The following HTR4 variants were observed in gnomAD, a reference collection of about 807,000 sequenced individuals.
The protein encoded by HTR4 is 5-hydroxytryptamine receptor 4.
HTR4 carries 16 observed loss-of-function variants against 36.8 expected under a neutral mutation model. The ratio of observed to expected loss-of-function variants is 0.43; its 90% CI spans 0.29 to 0.66. The LOEUF (loss-of-function observed/expected upper bound fraction) is 0.66. Ranked by LOEUF, HTR4 falls within the 30% of genes least tolerant of loss-of-function variation. The pLI is 0.13. For missense variants in HTR4, 438 were observed against 490.9 expected (o/e 0.89, Z 1.02); for synonymous variants, 189 against 185.1 (o/e 1.02, Z -0.17).
At chr5:148,612,207 C>A (rs1488614951) in intron 2 of HTR4, among the ~76,000 whole-genome samples, 1 of 152,166 alleles carries the variant, frequency 6.6e-6, no homozygotes, top group Non-Finnish European at 1.5e-5. Flanking sequence ...CTCTCCACCA[C>A]AAATCAACAG....
rs745999248 is a variant in HTR4 at position 148,509,830 on chromosome 5, G to A, written c.702C>T (p.Ala234=). 3.1e-6 allele frequency: 5 copies of A among 1,613,956 alleles called. No individual in the cohort carries two copies. Among genetic ancestry groups the A allele is most frequent in the East Asian group, 2.2e-5 (1 of 44,850 alleles). The change falls in exon 6 of 7, where the codon GCC becomes GCT. Residue 234 remains alanine, a synonymous_variant. Coordinates refer to ENST00000377888, the MANE Select transcript of HTR4 (RefSeq NM_000870.7). ...HQIQMLQRAG[A]SSESRPQSAD... ...CCGACTGAGGCCTGCTCTCGGAGGA[G>A]GCTCCTGCCCGTTGTAACATCTGGA...
In HTR4 at chr5:148,509,538, C is replaced by T. The variant is rs1473742069; in HGVS notation, c.994G>A (p.Glu332Lys). Residue 332 changes from glutamate to lysine, a missense_variant, in exon 6 of 7, where the codon GAG (glutamate) becomes AAG (lysine). By Grantham distance (56) the Glu-to-Lys change is moderately conservative. Transcript: ENST00000377888. ...AGAATGGAAGGTCTTCGGTAGCGCT[C>T]ATCATCACAGCAGAGGATGATGAGG... is the stretch of plus-strand genomic sequence containing the variant. ...AFLIILCCDD[E>K]RYRRPSILGQ... 2 of 1,613,900 alleles carry T rather than the reference C, an allele frequency of 1.2e-6. No homozygotes were observed. The highest frequency in any genetic ancestry group is 2.2e-5 in the East Asian group (1 of 44,882).
intron 5 of HTR4, among the ~76,000 whole-genome samples, chr5:148,518,735 G>T (rs1412974690): frequency 6.6e-6 from 1 of 151,926 alleles, no homozygotes; most frequent in Non-Finnish European, 1.5e-5. Context: ...AATCTTCTAG[G>T]CCATTCCTTG....
intron 5 of HTR4, among the ~76,000 whole-genome samples, chr5:148,516,627 C>CTTTT (rs3041922): frequency 2.8e-5 from 4 of 143,566 alleles, no homozygotes; most frequent in African/African-American, 5.2e-5. Context: ...CAAAAATTCC[C>CTTTT]TTTTTTTTTT....
chr5:148,592,359 A>C (rs1210941959), intron 2 of HTR4, among the ~76,000 whole-genome samples: 1 of 152,118 alleles, frequency 6.6e-6, no homozygotes, highest in Admixed American at 6.6e-5. Context: ...TATGTAACAA[A>C]ACTTCACATG....
chr5:148,498,262 TC>T (rs938188521), intron 6 of HTR4, among the ~76,000 whole-genome samples: 3 of 152,162 alleles, frequency 2.0e-5, no homozygotes, highest in African/African-American at 7.2e-5. Flanking sequence ...AAAGTAAAAT[TC>T]CATTTTGTCA....
intron 1 of HTR4, among the ~76,000 whole-genome samples, chr5:148,640,406 C>T (rs1753693459): frequency 6.6e-6 from 1 of 152,150 alleles, no homozygotes; most frequent in South Asian, 2.1e-4. Flanking sequence ...CTGGCTGGAC[C>T]AGGGAAAGCC....
chr5:148,507,042 A>G lies in HTR4; in HGVS notation c.1076+2414T>C, dbSNP rs1443135777. On this transcript the variant is annotated intron_variant, in intron 6 of 6. Transcript: ENST00000377888. ...TTACTGGGTATATACCCAAAGGACT[A>G]TAAATCATGCTGCTATAAAGACACA... 2.0e-5 allele frequency among the ~76,000 whole-genome samples: 3 copies of G among 152,292 alleles called. No individual in the cohort carries two copies. The East Asian group carries it at 5.8e-4, about 29-fold the overall frequency.
intron 2 of HTR4, among the ~76,000 whole-genome samples, chr5:148,635,952 G>A (rs982863111): frequency 5.9e-5 from 9 of 152,066 alleles, no homozygotes; most frequent in Non-Finnish European, 1.0e-4. Context: ...CAGTCTCTTT[G>A]TATATCTATA....
At chr5:148,509,245 G>A (rs1286485693) in intron 6 of HTR4, 2 of 507,514 alleles carry the variant, frequency 3.9e-6, no homozygotes, top group Non-Finnish European at 6.9e-6. Flanking sequence ...CAGAACTATG[G>A]GGACTTGATT....
chr5:148,589,379 T>C (rs952608896), intron 2 of HTR4, among the ~76,000 whole-genome samples: 6 of 152,230 alleles, frequency 3.9e-5, no homozygotes, highest in African/African-American at 1.4e-4. Flanking sequence ...GCCCTTGTTG[T>C]CTTTGATTTA....
chr5:148,536,955 G>A (rs1340586259), intron 4 of HTR4, among the ~76,000 whole-genome samples: 1 of 151,992 alleles, frequency 6.6e-6, no homozygotes, highest in Non-Finnish European at 1.5e-5. Context: ...TCACCACATG[G>A]CACATACTCT....
At chr5:148,546,820 C>G (rs1759405506) in intron 4 of HTR4, among the ~76,000 whole-genome samples, 1 of 152,230 alleles carries the variant, frequency 6.6e-6, no homozygotes, top group Non-Finnish European at 1.5e-5. Context: ...CATAGATTTT[C>G]TACTTCCTTA....
At chr5:148,567,429 G>A (rs1760490407) in intron 2 of HTR4, among the ~76,000 whole-genome samples, 5 of 152,094 alleles carry the variant, frequency 3.3e-5, no homozygotes, top group Admixed American at 3.3e-4. Context: ...TTATACCTCT[G>A]AAATCAAAGG....
intron 2 of HTR4, among the ~76,000 whole-genome samples, chr5:148,557,280 G>A (rs1408347235): frequency 6.6e-6 from 1 of 152,022 alleles, no homozygotes; most frequent in Non-Finnish European, 1.5e-5. Context: ...GAAGTGGGTG[G>A]AATAAAGGTT....
chr5:148,570,611 T>C (rs10037376), intron 2 of HTR4, among the ~76,000 whole-genome samples: 41,383 of 151,822 alleles, frequency 0.27, 7,292 homozygotes, highest in African/African-American at 0.5. Context: ...ATCACTGGAG[T>C]GCAGAGAATG....
At chr5:148,647,733 C>T (rs1370793223) in intron 1 of HTR4, among the ~76,000 whole-genome samples, 2 of 152,206 alleles carry the variant, frequency 1.3e-5, no homozygotes, top group East Asian at 3.9e-4. Context: ...CCTGTAGTCC[C>T]AGCTACTCGG....
chr5:148,572,629 T>C (rs1309883716), intron 2 of HTR4, among the ~76,000 whole-genome samples: 1 of 152,136 alleles, frequency 6.6e-6, no homozygotes, highest in Non-Finnish European at 1.5e-5. Flanking sequence ...CTCACTCCAA[T>C]GTTCAGTCCA....
chr5:148,517,379 T>C (rs1340577427), intron 5 of HTR4, among the ~76,000 whole-genome samples: 2 of 152,186 alleles, frequency 1.3e-5, no homozygotes, highest in African/African-American at 2.4e-5. Flanking sequence ...ACTTTTTTTT[T>C]TCTTTCTGAT....
Sources: gnomAD v4.1 joint callset for allele counts (sites outside exome capture counted in the v4.1 genomes callset) on GRCh38, gnomAD v4.1.1 for gene constraint, MANE v1.5 for transcripts, NCBI Gene and HGNC (gene_info 2026-07-23, HGNC 2026-07-21) for gene names.